ACOT11: variants seen among roughly 807,000 people sequenced by gnomAD.
ACOT11 encodes acyl-coenzyme A thioesterase 11.
ACOT11 carries 69 observed loss-of-function variants against 77.5 expected under a neutral mutation model. The ratio of observed to expected loss-of-function variants is 0.89; its 90% CI spans 0.73 to 1.09. The LOEUF (loss-of-function observed/expected upper bound fraction) is 1.09. Ranked by LOEUF, ACOT11 falls within the 50% of genes least tolerant of loss-of-function variation. ACOT11 has a pLI of 0.00. For synonymous variants in ACOT11, 279 were observed against 313.0 expected, an observed-to-expected ratio of 0.89 and a Z score of 1.15; for missense variants, 766 against 813.7, an observed-to-expected ratio of 0.94 and a Z score of 0.71.
At chr1:54,614,835 A>G, downstream of ACOT11, 2 of 1,614,012 alleles carry the variant, frequency 1.2e-6, no homozygotes, top group South Asian at 2.2e-5. Flanking sequence ...CACTGCCTTG[A>G]TGTTCTTGAA....
chr1:54,606,335 C>G (rs895891667), intron 13 of ACOT11, among the ~76,000 whole-genome samples: 5 of 152,108 alleles, frequency 3.3e-5, no homozygotes, highest in African/African-American at 1.2e-4. Flanking sequence ...GGGGAGTGGC[C>G]TGAGGGGAAA....
At chr1:54,580,763 G>C (rs924254368) in intron 1 of ACOT11, among the ~76,000 whole-genome samples, 3 of 152,240 alleles carry the variant, frequency 2.0e-5, no homozygotes, top group Non-Finnish European at 2.9e-5. Flanking sequence ...TACCCAGCTT[G>C]GTCAGTGCCA....
intron 15 of ACOT11, chr1:54,620,087 C>T (rs1644215202): frequency 2.0e-6 from 3 of 1,477,798 alleles, no homozygotes; most frequent in African/African-American, 2.8e-5. Context: ...CATGACCCTC[C>T]CTGGGCTCCC....
downstream of ACOT11, chr1:54,612,469 G>A (rs1644129069): frequency 6.3e-7 from 1 of 1,594,028 alleles, no homozygotes; most frequent in African/African-American, 1.3e-5. Context: ...GGTGGGGGTG[G>A]GTTTGGTGGT....
At chr1:54,614,939 G>GGTGTGT (rs71045199), downstream of ACOT11, 545,698 of 1,205,614 alleles carry the variant, frequency 0.45, 94,754 homozygotes, top group Non-Finnish European at 0.5. Context: ...AAGCAGAGCG[G>GGTGTGT]GTGTGTGTGT....
intron 1 of ACOT11, among the ~76,000 whole-genome samples, chr1:54,551,576 TAGG>T (rs1250366261): frequency 1.3e-5 from 2 of 152,096 alleles, no homozygotes; most frequent in Admixed American, 1.3e-4. Flanking sequence ...GGTGCCCTCG[TAGG>T]AGGTGGGCAA....
rs771500117 is a variant in ACOT11, at chr1:54,616,125, T to A, written c.1629+8057T>A. On this transcript the variant is annotated intron_variant, in intron 15 of 16. Coordinates refer to the ACOT11 transcript ENST00000371316. ...ATGGGAACTCCTGTCTCATTGGCTG[T>A]GCCGAGCCCTTCTACATTGACGTCA... 1.9e-6 allele frequency: 3 copies of A among 1,614,180 alleles called. No homozygotes were observed. The South Asian group carries it at 3.3e-5, about 18-fold the overall frequency.
chr1:54,630,629 C>T (rs893689267), intron 15 of ACOT11: 37 of 530,998 alleles, frequency 7.0e-5, no homozygotes, highest in Middle Eastern at 5.0e-4. Context: ...TTAATAAATA[C>T]GTGGATAAAT....
At position 54,609,633 on chromosome 1, in the gene ACOT11, T is replaced by C. The variant is rs1644090056; in HGVS notation, c.*521T>C. The C allele has an allele frequency of 1.2e-6, 2 of 1,613,748 alleles. No individual in the cohort carries two copies. The highest frequency in any genetic ancestry group is 4.5e-5 in the East Asian group (2 of 44,870). On this transcript the variant is annotated 3_prime_UTR_variant, in exon 16 of 16. Coordinates refer to ENST00000343744, the MANE Select transcript of ACOT11 (RefSeq NM_147161.4). ...TGGGGGAAGACCTCAGCCACAGCTG[T>C]AAGCAGCTCTCTGCCAGCCACATGG...
In ACOT11 at chr1:54,607,832, T is replaced by G; in HGVS notation, c.1503-110T>G. The G allele has an allele frequency of 1.4e-6, 2 of 1,415,592 alleles. No homozygotes were observed. The highest frequency in any genetic ancestry group is 9.7e-7 in the Non-Finnish European group (1 of 1,033,570). The allele number at this position is 1,415,592 out of a possible 1,614,324, so 87.7% of individuals were successfully genotyped here. A position where few individuals can be genotyped will look rare whatever the true frequency, so the allele number is the denominator to read the frequency against. ...GTCGATGTGCCTTGCATCCCCCTGG[T>G]GAGGAATCTGTGCTAGAGGGGGCAG... On this transcript the variant is annotated intron_variant, in intron 14 of 15. Transcript: ENST00000343744. The surrounding 1 kb of genome is among the most constrained non-coding windows in gnomAD (Gnocchi z 4.5).
At chr1:54,586,791 C>T (rs116412371) in intron 3 of ACOT11, among the ~76,000 whole-genome samples, 1,696 of 152,190 alleles carry the variant, frequency 0.011, 25 homozygotes, top group Non-Finnish European at 0.017. Context: ...ATTCATCACA[C>T]GCACTGGGCT....
rs1452905697 is a variant in ACOT11, at chr1:54,605,297, A to T, written c.1370+88A>T. On this transcript the variant is annotated intron_variant, in intron 13 of 15. Coordinates refer to ENST00000343744, the MANE Select transcript of ACOT11 (RefSeq NM_147161.4). ...CTCCTTCTGCGGGTCATCCTCCATG[A>T]TGCTCTGCCCTGCTGGGGCTGGGGG... The T allele has an allele frequency of 3.5e-6, 5 of 1,448,772 alleles. No homozygotes were observed. The Admixed American group carries it at 6.1e-5, about 18-fold the overall frequency. The allele number at this position is 1,448,772 out of a possible 1,614,324, so 89.7% of individuals were successfully genotyped here. A position where few individuals can be genotyped will look rare whatever the true frequency, so the allele number is the denominator to read the frequency against.
intron 15 of ACOT11, among the ~76,000 whole-genome samples, chr1:54,624,441 C>T (rs1424236539): frequency 1.3e-5 from 2 of 152,058 alleles, no homozygotes; most frequent in Admixed American, 6.6e-5. Flanking sequence ...TTTCCTGCCT[C>T]GGCCTTCCCG....
At chr1:54,632,876 C>T (rs945928339) in intron 16 of ACOT11, among the ~76,000 whole-genome samples, 3 of 152,160 alleles carry the variant, frequency 2.0e-5, no homozygotes, top group South Asian at 2.1e-4. Context: ...GTGAGGGGCC[C>T]GATGGACAAC....
chr1:54,569,128 A>AAT (rs1553162125), intron 1 of ACOT11, among the ~76,000 whole-genome samples: 1 of 138,376 alleles, frequency 7.2e-6, no homozygotes, highest in Non-Finnish European at 1.6e-5. Flanking sequence ...AAAAAAAATA[A>AAT]TTTTTTTTTT....
chr1:54,594,469 G>C, intron 5 of ACOT11, 87 bp from the exon 6 acceptor site: 3 of 1,496,624 alleles, frequency 2.0e-6, no homozygotes, highest in Non-Finnish European at 2.7e-6. Context: ...TGCTAGCCTC[G>C]GGCATGGCAT....
chr1:54,562,031 G>A (rs1377084347), intron 1 of ACOT11, among the ~76,000 whole-genome samples: 3 of 76,302 alleles, frequency 3.9e-5, no homozygotes, highest in East Asian at 3.6e-4. Flanking sequence ...GCGGCTGGCC[G>A]GGCGGAGGGC....
intron 13 of ACOT11, among the ~76,000 whole-genome samples, chr1:54,606,865 T>C (rs919304003): frequency 6.6e-6 from 1 of 152,250 alleles, no homozygotes; most frequent in African/African-American, 2.4e-5. Flanking sequence ...TGTGTGCATG[T>C]ATGTGCACAT....
At chr1:54,591,829 G>A (rs951607572) in intron 3 of ACOT11, among the ~76,000 whole-genome samples, 15 of 152,204 alleles carry the variant, frequency 9.9e-5, no homozygotes, top group African/African-American at 3.6e-4. Flanking sequence ...GTGACCTTGG[G>A]CAAATGACTT....
Sources: gnomAD v4.1 joint callset for allele counts (sites outside exome capture counted in the v4.1 genomes callset) on GRCh38, gnomAD v4.1.1 for gene constraint, Gnocchi (gnomAD v3.1) non-coding constraint, MANE v1.5 for transcripts, NCBI Gene and HGNC (gene_info 2026-07-23, HGNC 2026-07-21) for gene names.